The following TTC3 variants were observed in gnomAD, a reference collection of about 807,000 sequenced individuals.
TTC3 encodes tetratricopeptide repeat domain 3.
In TTC3, 180 loss-of-function variants were observed where a neutral mutation model predicts 249.6. The ratio of observed to expected loss-of-function variants is 0.72; its 90% confidence interval spans 0.64 to 0.82. The LOEUF is 0.82. Among genes scored for constraint, TTC3 ranks in the 40% least tolerant of loss-of-function variants. The probability of loss-of-function intolerance (pLI) is 0.00; values close to 1 mark genes in which losing one functional copy is unlikely to be tolerated. For missense variants in TTC3, 2,061 were observed against 2,398.4 expected, an observed-to-expected ratio of 0.86 and a Z score of 2.94; for synonymous variants, 717 against 805.0, an observed-to-expected ratio of 0.89 and a Z score of 1.85.
intron 17 of TTC3, among the ~76,000 whole-genome samples, chr21:37,134,300 A>G (rs774645226): frequency 8.6e-5 from 13 of 152,030 alleles, no homozygotes; most frequent in Non-Finnish European, 1.6e-4. Flanking sequence ...AAATACAAAA[A>G]ATTAGCTGGG....
At chr21:37,174,139 T>G (rs964290970) in intron 35 of TTC3, among the ~76,000 whole-genome samples, 25 of 152,216 alleles carry the variant, frequency 1.6e-4, no homozygotes, top group Non-Finnish European at 7.3e-5. Context: ...CTGTGTGTTC[T>G]GTGTGCACAG....
intron 24 of TTC3, 48 bp from the exon 25 acceptor site, chr21:37,150,772 G>C: frequency 7.9e-7 from 1 of 1,273,124 alleles, no homozygotes; most frequent in Non-Finnish European, 1.1e-6. Context: ...TGTGTTTTAT[G>C]TCATGGGAGT....
At chr21:37,090,631 G>A (rs1234974290) in intron 6 of TTC3, 2 of 754,636 alleles carry the variant, frequency 2.7e-6, no homozygotes, top group African/African-American at 1.9e-5. Flanking sequence ...GTAATCTCCA[G>A]ATTCAATGTT....
At position 37,087,332 on chromosome 21, in the gene TTC3, T is replaced by C. The variant is rs930252432; in HGVS notation, c.75T>C (p.Asp25=). The C allele has an allele frequency of 4.3e-6, 7 of 1,613,934 alleles. No individual in the cohort carries two copies. In the African/African-American group the frequency reaches 5.3e-5, roughly 12 times the overall value. Residue 25 remains aspartate (D), a synonymous_variant, in exon 2 of 46, where the codon GAT becomes GAC. Coordinates refer to ENST00000355666, the Ensembl canonical transcript of TTC3. Reference sequence around the variant, plus strand: ...TAGAAGATTGCCCTCACGTGGATGATTGTGTCTTTGCTGCTGAATTTATGA... The same window carrying C: ...TAGAAGATTGCCCTCACGTGGATGACTGTGTCTTTGCTGCTGAATTTATGA...
At chr21:37,103,144 A>G (rs1173495433) in intron 10 of TTC3, among the ~76,000 whole-genome samples, 5 of 152,228 alleles carry the variant, frequency 3.3e-5, no homozygotes, top group Admixed American at 6.5e-5. Flanking sequence ...AGGAATAATT[A>G]GCAAATCCAC....
At chr21:37,187,807 G>A (rs1199656836) in intron 38 of TTC3, 1 of 152,188 alleles carries the variant, frequency 6.6e-6, no homozygotes, top group Non-Finnish European at 1.5e-5. Context: ...CTGCTTCTAA[G>A]GACAGGAAAG....
intron 1 of TTC3, chr21:37,082,701 A>G: frequency 1.0e-6 from 1 of 985,188 alleles, no homozygotes; most frequent in African/African-American, 1.7e-5. Context: ...CTCAGCAAAA[A>G]CATCCAAAAA....
At chr21:37,199,694 A>G (rs572617969) in intron 44 of TTC3, among the ~76,000 whole-genome samples, 1 of 152,372 alleles carries the variant, frequency 6.6e-6, no homozygotes, top group Admixed American at 6.5e-5. Context: ...CTGTTTTTCT[A>G]GGCATGTATG....
chr21:37,191,222 G>A, intron 39 of TTC3, 112 bp from the exon 40 acceptor site: 1 of 668,764 alleles, frequency 1.5e-6, no homozygotes, highest in Non-Finnish European at 2.4e-6. Context: ...GGATTTTTGT[G>A]TGTATGTGAT....
chr21:37,154,757 G>A (rs1029731354), intron 27 of TTC3, among the ~76,000 whole-genome samples: 13 of 152,072 alleles, frequency 8.5e-5, no homozygotes, highest in African/African-American at 2.7e-4. Flanking sequence ...GTGCAGCGGC[G>A]CGATCTCGGC....
chr21:37,147,336 A>G (rs1420366032), intron 21 of TTC3, 145 bp from the exon 22 acceptor site: 3 of 656,324 alleles, frequency 4.6e-6, no homozygotes, highest in East Asian at 6.7e-5. Context: ...AAACTTTAAA[A>G]GTTGTATGTA....
chr21:37,200,177 G>A (rs2085348734), intron 44 of TTC3, 55 bp from the exon 45 acceptor site: 1 of 1,543,678 alleles, frequency 6.5e-7, no homozygotes, highest in Admixed American at 1.9e-5. Context: ...AAGAACTCGT[G>A]TCATAAAAAC....
At chr21:37,197,776 A>G (rs2085080040) in intron 43 of TTC3, 80 bp downstream of exon 43, 1 of 1,543,990 alleles carries the variant, frequency 6.5e-7, no homozygotes, top group Non-Finnish European at 8.7e-7. Flanking sequence ...AAAGCTTCAA[A>G]CCAAAACCTA....
In TTC3 at chr21:37,083,483, G is replaced by GT. The variant is rs1006140948; in HGVS notation, c.-11-3763dup. The GT allele has an allele frequency of 7.4e-6, 6 of 807,054 alleles. No homozygotes were observed. In the African/African-American group the frequency reaches 9.3e-5, roughly 12 times the overall value. 50.0% of individuals were successfully genotyped at this position (807,054 alleles called of 1,614,324 possible). A position where few individuals can be genotyped will look rare whatever the true frequency, so the allele number is the denominator to read the frequency against. ...GTTCAGAGGAGAAACAGTGAAGGCAGTGGCACTGGGCATGAAGAAGTATAT... is the reference window on the plus strand; with the variant it reads ...GTTCAGAGGAGAAACAGTGAAGGCAGTTGGCACTGGGCATGAAGAAGTATAT... On this transcript the variant is annotated intron_variant, in intron 1 of 45. Coordinates refer to ENST00000355666, the Ensembl canonical transcript of TTC3.
intron 1 of TTC3, among the ~76,000 whole-genome samples, chr21:37,080,405 A>G (rs1281169662): frequency 1.3e-5 from 2 of 150,976 alleles, no homozygotes; most frequent in African/African-American, 2.4e-5. Flanking sequence ...GGCCTTGTAC[A>G]TAGTGAATTA....
At chr21:37,163,546 T>C (rs9978998) in intron 31 of TTC3, among the ~76,000 whole-genome samples, 81,120 of 151,844 alleles carry the variant, frequency 0.53, 22,309 homozygotes, top group African/African-American at 0.64. Context: ...GACGGGGTTT[T>C]TCCATGTTGA....
intron 20 of TTC3, 130 bp from the exon 21 acceptor site, chr21:37,144,395 A>G: frequency 9.0e-7 from 1 of 1,105,620 alleles, no homozygotes; most frequent in East Asian, 2.6e-5. Flanking sequence ...TTTAGGTTAC[A>G]TTGAATATTG....
At chr21:37,082,949 T>C (rs1215834881) in intron 1 of TTC3, 1 of 983,702 alleles carries the variant, frequency 1.0e-6, no homozygotes, top group Non-Finnish European at 1.2e-6. Flanking sequence ...TGAGTTATCC[T>C]AAAGAAAAGT....
intron 44 of TTC3, among the ~76,000 whole-genome samples, chr21:37,199,244 C>T (rs2085256412): frequency 6.6e-6 from 1 of 152,236 alleles, no homozygotes; most frequent in Admixed American, 6.5e-5. Context: ...CTGCATTCGC[C>T]CACTCCCTCA....
Sources: allele counts gnomAD v4.1 joint callset (sites outside exome capture counted in the v4.1 genomes callset), GRCh38; gene constraint gnomAD v4.1.1; transcripts MANE v1.5; gene names NCBI Gene and HGNC (gene_info 2026-07-23, HGNC 2026-07-21).